The following SLC38A8 variants were observed in gnomAD, a reference collection of about 807,000 sequenced individuals.
SLC38A8 encodes the protein solute carrier family 38 member 8.
A neutral mutation model predicts 46.0 loss-of-function variants in SLC38A8; 65 were observed. The observed-to-expected ratio is 1.41, with a 90% CI of 1.16 to 1.74. The LOEUF (loss-of-function observed/expected upper bound fraction) is 1.74. Ranked by LOEUF, SLC38A8 falls within the 40% of genes most tolerant of loss-of-function variation. SLC38A8 has a pLI of 0.00. For synonymous variants in SLC38A8, 447 were observed against 243.7 expected, an observed-to-expected ratio of 1.83 and a Z score of -7.77; for missense variants, 998 against 567.9, an observed-to-expected ratio of 1.76 and a Z score of -7.70.
At chr16:84,011,566 T>A (rs1597245575) in intron 10 of SLC38A8, among the ~76,000 whole-genome samples, 1 of 152,208 alleles carries the variant, frequency 6.6e-6, no homozygotes, top group East Asian at 1.9e-4. Flanking sequence ...TTATCTGGGA[T>A]GGGGTGAAGG....
At chr16:84,027,763 A>G (rs2085182397) in intron 6 of SLC38A8, among the ~76,000 whole-genome samples, 1 of 152,138 alleles carries the variant, frequency 6.6e-6, no homozygotes, top group African/African-American at 2.4e-5. Flanking sequence ...CCTCGTTGCT[A>G]GGAGAATCCG....
chr16:84,026,615 T>C (rs553188724), intron 6 of SLC38A8, among the ~76,000 whole-genome samples: 3 of 152,098 alleles, frequency 2.0e-5, no homozygotes, highest in African/African-American at 4.8e-5. Flanking sequence ...TGCTCGGTGA[T>C]GGAAGGAGAC....
chr16:84,016,518 C>T lies in SLC38A8; in HGVS notation c.1162+1G>A, dbSNP rs1295419705. ...GAAAGCCTGGAAAGCAGGGGCCTCACCTGGGAAGATGAAGATGAAGAAGGA... is the reference window on the plus strand; with the variant it reads ...GAAAGCCTGGAAAGCAGGGGCCTCATCTGGGAAGATGAAGATGAAGAAGGA... On this transcript the variant is annotated splice_donor_variant, in intron 9 of 10. Transcript: ENST00000299709. LOFTEE classifies it high-confidence loss of function. 1 of 1,613,492 alleles carries T rather than the reference C, an allele frequency of 6.2e-7. No individual in the cohort carries two copies. The highest frequency in any genetic ancestry group is 2.2e-5 in the East Asian group (1 of 44,888).
intron 10 of SLC38A8, 117 bp downstream of exon 10, chr16:84,012,884 A>C: frequency 5.1e-5 from 58 of 1,127,686 alleles, no homozygotes; most frequent in Admixed American, 4.4e-4. Context: ...TGTGGCTCGC[A>C]GGTTTCTCAC....
chr16:84,035,254 T>C (rs543091573), intron 3 of SLC38A8, among the ~76,000 whole-genome samples: 1 of 152,348 alleles, frequency 6.6e-6, no homozygotes, highest in East Asian at 1.9e-4. Context: ...AGGACGTTTT[T>C]GTGCCCACTT....
At chr16:84,025,246 G>A (rs2085148158) in intron 6 of SLC38A8, among the ~76,000 whole-genome samples, 1 of 152,132 alleles carries the variant, frequency 6.6e-6, no homozygotes, top group South Asian at 2.1e-4. Context: ...TCTCACTCCT[G>A]GCCAAAACCA....
chr16:84,022,635 C>G lies in SLC38A8; in HGVS notation c.805+140G>C, dbSNP rs2085107770. The G allele has an allele frequency of 4.5e-6, 3 of 661,074 alleles. No individual in the cohort carries two copies. The Admixed American group carries it at 8.9e-5, about 20-fold the overall frequency. The allele number at this position is 661,074 out of a possible 1,614,324, so 41.0% of individuals were successfully genotyped here. ...ATGAAATGAGGCCTTTTCCTATGCA[C>G]ACTAAGGATTAAATAAGATGCTCAA... On this transcript the variant is annotated intron_variant, in intron 7 of 10. Transcript: ENST00000299709.
At position 84,013,042 on chromosome 16, in the gene SLC38A8, G is replaced by A. The variant is rs749095541; in HGVS notation, c.1173C>T (p.Leu391=). 12 of 1,614,026 alleles carry A rather than the reference G, an allele frequency of 7.4e-6. No homozygotes were observed. The highest frequency in any genetic ancestry group is 1.6e-4 in the Middle Eastern group (1 of 6,084). Residue 391 remains leucine, a synonymous_variant, in exon 10 of 11, where the codon CTC becomes CTT. Coordinates refer to ENST00000299709, the MANE Select transcript of SLC38A8 (RefSeq NM_001080442.3). ...TAGGCTCGACACCCATTGCACAGAT[G>A]AGGCACAAACCTGCAAAAAAGACAG... is the stretch of plus-strand genomic sequence containing the variant. The part of the protein sequence containing the change: ...FFIFIFPGLC[L]ICAMGVEPIG...
At chr16:84,029,188 G>A (rs1428213332) in intron 6 of SLC38A8, among the ~76,000 whole-genome samples, 2 of 152,112 alleles carry the variant, frequency 1.3e-5, no homozygotes, top group African/African-American at 2.4e-5. Flanking sequence ...GCAGAGGAAG[G>A]GACAGGTCCC....
intron 6 of SLC38A8, 33 bp downstream of exon 6, chr16:84,029,461 C>A: frequency 6.2e-7 from 1 of 1,611,668 alleles, no homozygotes; most frequent in Non-Finnish European, 8.5e-7. Flanking sequence ...CCTCTGCAAA[C>A]GCCACAGGCT....
chr16:84,034,368 G>A (rs1257398691), intron 3 of SLC38A8, among the ~76,000 whole-genome samples: 1 of 152,220 alleles, frequency 6.6e-6, no homozygotes. Context: ...AAAGAATGTG[G>A]GGCCATTTTT....
intron 7 of SLC38A8, among the ~76,000 whole-genome samples, chr16:84,022,185 G>A (rs1231004904): frequency 6.6e-6 from 1 of 152,178 alleles, no homozygotes; most frequent in Non-Finnish European, 1.5e-5. Context: ...CAGCCCAAGA[G>A]CTTCCTAGAC....
chr16:84,010,919 G>A (rs2084944805), intron 10 of SLC38A8, among the ~76,000 whole-genome samples: 1 of 152,098 alleles, frequency 6.6e-6, no homozygotes, highest in Admixed American at 6.5e-5. Context: ...GGCAGAGGTG[G>A]CTGGGACTGG....
intron 4 of SLC38A8, among the ~76,000 whole-genome samples, chr16:84,032,490 G>A (rs545892998): frequency 1.3e-5 from 2 of 152,306 alleles, no homozygotes; most frequent in South Asian, 4.1e-4. Context: ...CAAATGTGTA[G>A]AATTCTTAAT....
In SLC38A8 at chr16:84,042,608, G is replaced by C. The variant is rs887276168; in HGVS notation, c.-60C>G. 2 of 155,808 alleles carry C rather than the reference G, an allele frequency of 1.3e-5. No individual in the cohort carries two copies. The highest frequency in any genetic ancestry group is 4.8e-5 in the African/African-American group (2 of 41,518). 9.7% of individuals were successfully genotyped at this position (155,808 alleles called of 1,614,324 possible). On this transcript the variant is annotated 5_prime_UTR_variant, in exon 1 of 11. Transcript: ENST00000299709. ...CTTTGGCTGTTGGGGATGGGACTCG[G>C]GCTTACTCCAGGTGGCTCAGTTGCA... is the stretch of plus-strand genomic sequence containing the variant.
chr16:84,033,579 C>A, intron 3 of SLC38A8, 110 bp from the exon 4 acceptor site: 1 of 1,274,254 alleles, frequency 7.8e-7, no homozygotes, highest in Non-Finnish European at 1.1e-6. Context: ...CCTCAGCCAG[C>A]CCCAGGAGCC....
chr16:84,011,106 G>T (rs1195285668), intron 10 of SLC38A8, among the ~76,000 whole-genome samples: 1 of 152,248 alleles, frequency 6.6e-6, no homozygotes, highest in African/African-American at 2.4e-5. Flanking sequence ...TAACCGAGCA[G>T]CATCTCAGCA....
At chr16:84,037,034 G>T (rs1461027107) in intron 2 of SLC38A8, 134 bp from the exon 3 acceptor site, 1 of 868,348 alleles carries the variant, frequency 1.2e-6, no homozygotes, top group Non-Finnish European at 1.8e-6. Context: ...CATGGGGTTG[G>T]CAGTCTACCA....
chr16:84,014,206 G>A (rs576236552), intron 9 of SLC38A8, among the ~76,000 whole-genome samples: 226 of 150,610 alleles, frequency 1.5e-3, no homozygotes, highest in African/African-American at 5.3e-3. Flanking sequence ...GGGAGGAGCT[G>A]TGTAGCCACA....
Sources: gnomAD v4.1 joint callset for allele counts (sites outside exome capture counted in the v4.1 genomes callset) on GRCh38, gnomAD v4.1.1 for gene constraint, MANE v1.5 for transcripts, NCBI Gene and HGNC (gene_info 2026-07-23, HGNC 2026-07-21) for gene names.